Variants in TULP4 observed in about 807,000 individuals in gnomAD.
TULP4 encodes the protein tubby-related protein 4.
In TULP4, 16 loss-of-function variants were observed where a neutral mutation model predicts 129.0. The observed-to-expected ratio is 0.12, with a 90% confidence interval of 0.08 to 0.19. The LOEUF is 0.19. TULP4 is among the 10% of genes least tolerant of loss of function. The pLI, the probability that TULP4 is intolerant of heterozygous loss-of-function variation, is 1.00. For synonymous variants in TULP4, 998 were observed against 854.0 expected (o/e 1.17, Z -2.94); for missense variants, 1,842 against 2,059.1 (o/e 0.89, Z 2.04).
chr6:158,415,183 CAT>C (rs1403648251), intron 2 of TULP4, among the ~76,000 whole-genome samples: 1 of 152,184 alleles, frequency 6.6e-6, no homozygotes, highest in Non-Finnish European at 1.5e-5. Flanking sequence ...CAGCATGACA[CAT>C]GACTCGTGTT....
intron 5 of TULP4, among the ~76,000 whole-genome samples, chr6:158,454,194 A>G (rs1163302183): frequency 1.3e-5 from 2 of 152,152 alleles, no homozygotes; most frequent in Non-Finnish European, 2.9e-5. Flanking sequence ...TTTATCACAC[A>G]TAGGCCCTGG....
chr6:158,364,892 C>A (rs997014537), intron 1 of TULP4, among the ~76,000 whole-genome samples: 1 of 152,020 alleles, frequency 6.6e-6, no homozygotes, highest in Admixed American at 6.6e-5. Context: ...CCCGCCACCA[C>A]GCCTGGCTAA....
chr6:158,467,921 C>T (rs1779589011), intron 6 of TULP4, among the ~76,000 whole-genome samples: 1 of 152,136 alleles, frequency 6.6e-6, no homozygotes, highest in South Asian at 2.1e-4. Context: ...TTACTGCTGC[C>T]CATTACTTGG....
intron 1 of TULP4, among the ~76,000 whole-genome samples, chr6:158,363,618 G>A (rs1329231093): frequency 1.3e-5 from 2 of 152,096 alleles, no homozygotes; most frequent in Non-Finnish European, 2.9e-5. Context: ...TGAGTAGCTG[G>A]GACTACAGGC....
At chr6:158,235,615 T>C (rs1454312372) in intron 1 of TULP4, among the ~76,000 whole-genome samples, 1 of 152,226 alleles carries the variant, frequency 6.6e-6, no homozygotes, top group Non-Finnish European at 1.5e-5. Context: ...CCCGAAGTGC[T>C]TGGTTTACAG....
At chr6:158,338,922 C>G (rs1421597400) in intron 1 of TULP4, among the ~76,000 whole-genome samples, 1 of 152,204 alleles carries the variant, frequency 6.6e-6, no homozygotes, top group African/African-American at 2.4e-5. Context: ...TCTCTGATGA[C>G]AGCTCTTCTC....
At chr6:158,332,433 C>A (rs1041603293) in intron 1 of TULP4, among the ~76,000 whole-genome samples, 1 of 151,834 alleles carries the variant, frequency 6.6e-6, no homozygotes, top group Non-Finnish European at 1.5e-5. Flanking sequence ...CAGTAAATAA[C>A]CCTCTGGAGT....
At chr6:158,266,071 T>TTG (rs1778439684) in intron 1 of TULP4, among the ~76,000 whole-genome samples, 1 of 152,054 alleles carries the variant, frequency 6.6e-6, no homozygotes. Context: ...GCTTCCACCA[T>TTG]TGTTATAACT....
Position 158,481,120 on chromosome 6 carries a change from G to T in TULP4, c.1317G>T (p.Arg439=). 6.2e-7 allele frequency: 1 copy of T among 1,605,592 alleles called. No individual in the cohort carries two copies. The highest frequency in any genetic ancestry group is 8.5e-7 in the Non-Finnish European group (1 of 1,173,090). The change falls in exon 8 of 14, where the codon CGG becomes CGT. Residue 439 remains arginine, a synonymous_variant. Coordinates refer to ENST00000367097, the MANE Select transcript of TULP4 (RefSeq NM_020245.5). ...FVSYPSAGNE[R]LHCTMKRTED... ...GCTACCCATCAGCCGGCAACGAGCG[G>T]CTGCACTGCACCATGAAGCGCACAG...
chr6:158,316,713 G>T (rs1779500848), intron 1 of TULP4, among the ~76,000 whole-genome samples: 1 of 152,110 alleles, frequency 6.6e-6, no homozygotes, highest in Non-Finnish European at 1.5e-5. Flanking sequence ...CCCTGTTATG[G>T]TATGTCTGGG....
At position 158,494,743 on chromosome 6, in the gene TULP4, C is replaced by T. The variant is rs1360677043; in HGVS notation, c.1777-10C>T. The T allele has an allele frequency of 4.4e-6, 7 of 1,603,952 alleles. No homozygotes were observed. In the Admixed American group the frequency reaches 5.1e-5, roughly 12 times the overall value. The stretch of plus-strand genomic sequence containing the variant: ...TGTGATTCTTCTTTTTTCTTTTCTT[C>T]CTACCGCAGCACAACTATCTTGCTC... On this transcript the variant is annotated splice_polypyrimidine_tract_variant and intron_variant, in intron 10 of 13. Transcript: ENST00000367097.
intron 1 of TULP4, among the ~76,000 whole-genome samples, chr6:158,315,537 C>T (rs1779467372): frequency 6.6e-6 from 1 of 152,128 alleles, no homozygotes; most frequent in Non-Finnish European, 1.5e-5. Flanking sequence ...ATGCAGTCAC[C>T]CATGTAAGCG....
At chr6:158,403,219 G>A (rs1777894141) in intron 1 of TULP4, among the ~76,000 whole-genome samples, 1 of 152,190 alleles carries the variant, frequency 6.6e-6, no homozygotes, top group Non-Finnish European at 1.5e-5. Context: ...GAAAGCAGGT[G>A]AGGACCCTAG....
chr6:158,238,193 T>C, intron 1 of TULP4: 1 of 801,954 alleles, frequency 1.2e-6, no homozygotes, highest in Non-Finnish European at 2.2e-6. Flanking sequence ...AATTTTCAAC[T>C]GTGCCATGGT....
chr6:158,471,518 T>C (rs923868554), intron 6 of TULP4, among the ~76,000 whole-genome samples: 16 of 152,178 alleles, frequency 1.1e-4, no homozygotes, highest in Non-Finnish European at 2.1e-4. Flanking sequence ...AAAAGACATG[T>C]TCAAGAGGAG....
intron 1 of TULP4, among the ~76,000 whole-genome samples, chr6:158,236,271 A>AGTGTCT (rs1777697090): frequency 6.6e-6 from 1 of 152,250 alleles, no homozygotes; most frequent in African/African-American, 2.4e-5. Context: ...TGTTATTTTC[A>AGTGTCT]GTGTCTGTAT....
intron 1 of TULP4, among the ~76,000 whole-genome samples, chr6:158,285,616 A>G (rs750538735): frequency 6.6e-6 from 1 of 152,202 alleles, no homozygotes; most frequent in Non-Finnish European, 1.5e-5. Flanking sequence ...CATTGAATGA[A>G]TAGCTCACAG....
intron 1 of TULP4, among the ~76,000 whole-genome samples, chr6:158,258,035 A>G (rs1264056253): frequency 6.6e-6 from 1 of 152,142 alleles, no homozygotes; most frequent in South Asian, 2.1e-4. Context: ...GGTTCAGTCA[A>G]CCACCTGTAG....
chr6:158,240,972 G>A (rs1777886311), intron 1 of TULP4, among the ~76,000 whole-genome samples: 2 of 140,302 alleles, frequency 1.4e-5, no homozygotes, highest in South Asian at 4.7e-4. Context: ...CGGGCGGAGG[G>A]GCTCCTCACT....
Sources: gnomAD v4.1 joint callset for allele counts (sites outside exome capture counted in the v4.1 genomes callset) on GRCh38, gnomAD v4.1.1 for gene constraint, MANE v1.5 for transcripts, NCBI Gene and HGNC (gene_info 2026-07-23, HGNC 2026-07-21) for gene names.